CAMTA1: variants seen among roughly 807,000 people sequenced by gnomAD.
CAMTA1 encodes calmodulin-binding transcription activator 1.
Under a neutral mutation model 170.9 loss-of-function variants are expected in CAMTA1, and 27 were observed. The observed-to-expected ratio is 0.16, with a 90% confidence interval of 0.12 to 0.22. The LOEUF (loss-of-function observed/expected upper bound fraction) is 0.22. CAMTA1 is among the 10% of genes least tolerant of loss of function. The pLI is 1.00. For synonymous variants in CAMTA1, 833 were observed against 891.5 expected, an observed-to-expected ratio of 0.93 and a Z score of 1.17; for missense variants, 1,619 against 2,217.2, an observed-to-expected ratio of 0.73 and a Z score of 5.42.
chr1:7,123,625 C>T (rs1644769329), intron 4 of CAMTA1, among the ~76,000 whole-genome samples: 1 of 152,172 alleles, frequency 6.6e-6, no homozygotes, highest in African/African-American at 2.4e-5. Flanking sequence ...TTGGATAAGC[C>T]CTGGGCACCC....
At chr1:7,733,397 G>A (rs1273749731) in intron 12 of CAMTA1, among the ~76,000 whole-genome samples, 2 of 152,186 alleles carry the variant, frequency 1.3e-5, no homozygotes, top group Non-Finnish European at 2.9e-5. Flanking sequence ...CAGAGAAAGT[G>A]TTTATGTAAT....
chr1:7,735,176 C>T (rs998154651), intron 12 of CAMTA1, among the ~76,000 whole-genome samples: 5 of 152,016 alleles, frequency 3.3e-5, no homozygotes, highest in African/African-American at 9.7e-5. Context: ...AAAAACAGTC[C>T]GCATCTAAGT....
chr1:7,240,542 G>A (rs948738155), intron 4 of CAMTA1, among the ~76,000 whole-genome samples: 1 of 143,696 alleles, frequency 7.0e-6, no homozygotes, highest in East Asian at 2.2e-4. Flanking sequence ...TTTTAATTGA[G>A]ATGGGGTCTC....
At position 7,751,397 on chromosome 1, in the gene CAMTA1, G is replaced by C; in HGVS notation, c.4883+5G>C. 1 of 1,577,356 alleles carries C rather than the reference G, an allele frequency of 6.3e-7. No homozygotes were observed. Among genetic ancestry groups the C allele is most frequent in the Non-Finnish European group, 8.6e-7 (1 of 1,166,068 alleles). ...GATTGTACAACAGAAACTCAGGTGG[G>C]TGGAGAAGAGCTCATGGAGGTAAAG... On this transcript the variant is annotated splice_donor_5th_base_variant and intron_variant, in intron 20 of 22. Coordinates refer to ENST00000303635, the MANE Select transcript of CAMTA1 (RefSeq NM_015215.4).
At chr1:7,544,208 C>A (rs1159147999) in intron 6 of CAMTA1, among the ~76,000 whole-genome samples, 1 of 152,000 alleles carries the variant, frequency 6.6e-6, no homozygotes, top group Non-Finnish European at 1.5e-5. Flanking sequence ...ATGGCGGTGG[C>A]AAGAGAAAAA....
rs1056608893 is a variant in CAMTA1, at chr1:7,588,736, G to T, written c.511-51664G>T. On this transcript the variant is annotated intron_variant, in intron 6 of 22. Coordinates refer to ENST00000303635, the MANE Select transcript of CAMTA1 (RefSeq NM_015215.4). This position sits in a 1 kb window ranked among gnomAD's most constrained non-coding sequence, Gnocchi z 5.8. ...TCTGCCAGTGAGGTACCTGCCCCTGGAGCGGGACCAACAGCTCCAGGCAGG... is the reference window on the plus strand; with the variant it reads ...TCTGCCAGTGAGGTACCTGCCCCTGTAGCGGGACCAACAGCTCCAGGCAGG... 2.0e-5 allele frequency among the ~76,000 whole-genome samples: 3 copies of T among 152,216 alleles called. No individual in the cohort carries two copies. The highest frequency in any genetic ancestry group is 4.4e-5 in the Non-Finnish European group (3 of 68,040).
chr1:6,849,284 A>G (rs921033340), intron 3 of CAMTA1, among the ~76,000 whole-genome samples: 1 of 152,168 alleles, frequency 6.6e-6, no homozygotes, highest in Non-Finnish European at 1.5e-5. Flanking sequence ...CACCTGGGGA[A>G]CATCTAGAGA....
intron 3 of CAMTA1, among the ~76,000 whole-genome samples, chr1:6,963,032 C>A (rs1417760520): frequency 1.3e-5 from 2 of 150,088 alleles, no homozygotes; most frequent in African/African-American, 2.4e-5. Flanking sequence ...TGGCAGACCC[C>A]ATTCTCCATT....
At position 7,050,234 on chromosome 1, in the gene CAMTA1, G is replaced by A. The variant is rs1706110755; in HGVS notation, c.235-41070G>A. 6.6e-6 allele frequency among the ~76,000 whole-genome samples: 1 copy of A among 152,316 alleles called. No individual in the cohort carries two copies. Among genetic ancestry groups the A allele is most frequent in the South Asian group, 2.1e-4 (1 of 4,832 alleles). On this transcript the variant is annotated intron_variant, in intron 3 of 22. Transcript: ENST00000303635. The surrounding 1 kb of genome is among the most constrained non-coding windows in gnomAD (Gnocchi z 4.8). ...GGCCTGCACCCTGGTCCTCCATGGT[G>A]GTGAAGGGCTGGGGGTAGGACCACA...
At chr1:7,122,165 A>G (rs1429245487) in intron 4 of CAMTA1, among the ~76,000 whole-genome samples, 3 of 151,912 alleles carry the variant, frequency 2.0e-5, no homozygotes, top group Non-Finnish European at 4.4e-5. Flanking sequence ...CCTAAACAGG[A>G]CTTCTTCCTC....
Position 7,673,028 on chromosome 1 carries a change from G to A in CAMTA1, c.2779+1991G>A, listed in dbSNP as rs1413524208. Among the ~76,000 whole-genome samples, 2 of 152,186 alleles carry A rather than the reference G, an allele frequency of 1.3e-5. No homozygotes were observed. Among genetic ancestry groups the A allele is most frequent in the South Asian group, 2.1e-4 (1 of 4,830 alleles). On this transcript the variant is annotated intron_variant, in intron 10 of 22. Coordinates refer to ENST00000303635, the MANE Select transcript of CAMTA1 (RefSeq NM_015215.4). The surrounding 1 kb of genome is among the most constrained non-coding windows in gnomAD (Gnocchi z 4.6). ...TGTGCAGCTGATGGGACCCCGGCCCGGCGGGAGTGGCGGGGAGGGCACTGT... is the reference window on the plus strand; with the variant it reads ...TGTGCAGCTGATGGGACCCCGGCCCAGCGGGAGTGGCGGGGAGGGCACTGT...
At chr1:6,820,304 A>G in intron 2 of CAMTA1, 54 bp downstream of exon 2, 1 of 1,595,188 alleles carries the variant, frequency 6.3e-7, no homozygotes, top group Non-Finnish European at 8.6e-7. Flanking sequence ...TGGCAGTGGC[A>G]GTAATTATCA....
Position 7,244,890 on chromosome 1 carries a change from A to G in CAMTA1, c.303-4601A>G, listed in dbSNP as rs1480687984. On this transcript the variant is annotated intron_variant, in intron 4 of 22. Transcript: ENST00000303635. Reference sequence around the variant, plus strand: ...ACATGTACCCTAAAGCTTAAAGTATAATAATAATAATAAAAATAAATACAT... The same window carrying G: ...ACATGTACCCTAAAGCTTAAAGTATGATAATAATAATAAAAATAAATACAT... 2.0e-5 allele frequency among the ~76,000 whole-genome samples: 3 copies of G among 151,714 alleles called. 1 individual carries two copies. In the East Asian group the frequency reaches 5.8e-4, roughly 29 times the overall value.
rs919310979 is a variant in CAMTA1 at position 7,532,630 on chromosome 1, C to T, written c.510+64729C>T. On this transcript the variant is annotated intron_variant, in intron 6 of 22. Coordinates refer to ENST00000303635, the MANE Select transcript of CAMTA1 (RefSeq NM_015215.4). The surrounding 1 kb of genome is among the most constrained non-coding windows in gnomAD (Gnocchi z 4.2). ...TTTACCAGTCAGGTATTGAAACTTACAAAAAGCATAGGGCTTGGCAACCTC... is the reference window on the plus strand; with the variant it reads ...TTTACCAGTCAGGTATTGAAACTTATAAAAAGCATAGGGCTTGGCAACCTC... Among the ~76,000 whole-genome samples the T allele has an allele frequency of 6.6e-6, 1 of 152,140 alleles. No individual in the cohort carries two copies. Among genetic ancestry groups the T allele is most frequent in the Non-Finnish European group, 1.5e-5 (1 of 68,022 alleles).
chr1:7,498,628 ATGAG>A (rs796540377), intron 6 of CAMTA1, among the ~76,000 whole-genome samples: 120 of 151,308 alleles, frequency 7.9e-4, no homozygotes, highest in African/African-American at 2.9e-3. Flanking sequence ...CAGTGTGTGT[ATGAG>A]TGTGCATGCA....
intron 5 of CAMTA1, among the ~76,000 whole-genome samples, chr1:7,373,173 A>T (rs942096371): frequency 2.6e-5 from 4 of 152,172 alleles, no homozygotes; most frequent in Non-Finnish European, 4.4e-5. Flanking sequence ...TGTCCTGTGC[A>T]TTGTAGGACA....
chr1:6,900,743 A>G (rs905559787), intron 3 of CAMTA1, among the ~76,000 whole-genome samples: 5 of 152,248 alleles, frequency 3.3e-5, no homozygotes, highest in African/African-American at 7.2e-5. Context: ...TAAGACCTCT[A>G]TGCTGAAAAC....
At chr1:7,716,716 G>C (rs977996783) in intron 11 of CAMTA1, among the ~76,000 whole-genome samples, 1 of 152,178 alleles carries the variant, frequency 6.6e-6, no homozygotes, top group Admixed American at 6.5e-5. Flanking sequence ...CCTAAATAAT[G>C]TATGGAGAAT....
chr1:6,883,840 A>G (rs1672330643), intron 3 of CAMTA1, among the ~76,000 whole-genome samples: 1 of 152,174 alleles, frequency 6.6e-6, no homozygotes, highest in African/African-American at 2.4e-5. Context: ...AATAGGTAAA[A>G]ATAAAGGAAA....
Sources: gnomAD v4.1 joint callset for allele counts (sites outside exome capture counted in the v4.1 genomes callset) on GRCh38, gnomAD v4.1.1 for gene constraint, Gnocchi (gnomAD v3.1) non-coding constraint, MANE v1.5 for transcripts, NCBI Gene and HGNC (gene_info 2026-07-23, HGNC 2026-07-21) for gene names.